CNTN5: variants seen among roughly 807,000 people sequenced by gnomAD.
CNTN5 encodes contactin-5.
In CNTN5, 77 loss-of-function variants were observed where a neutral mutation model predicts 129.1. The observed-to-expected ratio is 0.60, with a 90% CI of 0.50 to 0.72. CNTN5 has a LOEUF of 0.72. Among genes scored for constraint, CNTN5 ranks in the 30% least tolerant of loss-of-function variants. The pLI, the probability that CNTN5 is intolerant of heterozygous loss-of-function variation, is 0.00. For missense variants in CNTN5, 1,478 were observed against 1,328.8 expected (o/e 1.11, Z -1.75); for synonymous variants, 509 against 465.6 (o/e 1.09, Z -1.20).
intron 3 of CNTN5, among the ~76,000 whole-genome samples, chr11:99,713,295 T>C (rs953928681): frequency 3.7e-4 from 56 of 151,952 alleles, no homozygotes; most frequent in Admixed American, 8.5e-4. Flanking sequence ...TTTTTGTTGT[T>C]GTTGTTGTTA....
chr11:100,196,944 A>C (rs991518523), intron 15 of CNTN5, among the ~76,000 whole-genome samples: 1 of 152,012 alleles, frequency 6.6e-6, no homozygotes, highest in African/African-American at 2.4e-5. Context: ...ATAGCCCTTC[A>C]CACCTAAGAG....
At chr11:99,201,117 C>T (rs370015994) in intron 1 of CNTN5, among the ~76,000 whole-genome samples, 65 of 149,160 alleles carry the variant, frequency 4.4e-4, no homozygotes, top group African/African-American at 1.5e-3. Flanking sequence ...CTCTGCCTCC[C>T]GGGTTCCAGC....
At chr11:99,412,869 T>A (rs1401720380) in intron 2 of CNTN5, among the ~76,000 whole-genome samples, 1 of 152,186 alleles carries the variant, frequency 6.6e-6, no homozygotes, top group Non-Finnish European at 1.5e-5. Context: ...TAAATTTGAA[T>A]TAGAAGATCA....
intron 1 of CNTN5, among the ~76,000 whole-genome samples, chr11:99,227,095 T>A (rs1162903856): frequency 6.6e-6 from 1 of 152,126 alleles, no homozygotes; most frequent in African/African-American, 2.4e-5. Context: ...ACGCAGTGGC[T>A]CCTGCCTATA....
chr11:100,077,627 C>G (rs1442719914), intron 13 of CNTN5, among the ~76,000 whole-genome samples: 1 of 151,874 alleles, frequency 6.6e-6, no homozygotes, highest in Non-Finnish European at 1.5e-5. Flanking sequence ...TTGAGACCAG[C>G]CTGTGCAACA....
At chr11:99,859,286 G>C (rs112760499) in intron 6 of CNTN5, among the ~76,000 whole-genome samples, 2 of 152,058 alleles carry the variant, frequency 1.3e-5, no homozygotes, top group South Asian at 4.1e-4. Context: ...TGAACTTAAC[G>C]TATGTAATAT....
At chr11:100,332,104 A>G (rs917716231) in intron 21 of CNTN5, among the ~76,000 whole-genome samples, 1 of 152,128 alleles carries the variant, frequency 6.6e-6, no homozygotes, top group African/African-American at 2.4e-5. Flanking sequence ...TAAACAAGAA[A>G]AGAAGAGAGA....
intron 13 of CNTN5, among the ~76,000 whole-genome samples, chr11:100,121,989 AAGAG>A (rs1309969234): frequency 5.3e-5 from 8 of 151,934 alleles, no homozygotes; most frequent in East Asian, 1.9e-4. Context: ...GGTAGAGAGA[AAGAG>A]AGAGAGGATT....
At chr11:99,996,819 A>G (rs1264549817) in intron 8 of CNTN5, among the ~76,000 whole-genome samples, 5 of 152,042 alleles carry the variant, frequency 3.3e-5, no homozygotes, top group African/African-American at 1.2e-4. Flanking sequence ...AGCATGGAAA[A>G]CTGCCACTTT....
At chr11:99,849,870 G>A (rs1947817567) in intron 6 of CNTN5, among the ~76,000 whole-genome samples, 1 of 152,010 alleles carries the variant, frequency 6.6e-6, no homozygotes, top group African/African-American at 2.4e-5. Flanking sequence ...CAGTATAAAT[G>A]TGTATTGGAT....
intron 2 of CNTN5, among the ~76,000 whole-genome samples, chr11:99,541,956 CAAAAAAAAA>C (rs56363127): frequency 2.0e-4 from 14 of 68,874 alleles, no homozygotes; most frequent in Non-Finnish European, 3.3e-4. Context: ...GATCTTGTCT[CAAAAAAAAA>C]AAAAAAAAAA....
chr11:99,075,437 G>A (rs1865520736), intron 1 of CNTN5, among the ~76,000 whole-genome samples: 1 of 152,084 alleles, frequency 6.6e-6, no homozygotes, highest in African/African-American at 2.4e-5. Context: ...TTAAGTAAAA[G>A]TAGATTTACA....
chr11:100,005,871 T>C (rs1407830666), intron 9 of CNTN5, among the ~76,000 whole-genome samples: 1 of 152,186 alleles, frequency 6.6e-6, no homozygotes, highest in Non-Finnish European at 1.5e-5. Context: ...CAACTTTACC[T>C]GTTCCCAGCC....
At chr11:99,912,420 G>T (rs1447780283) in intron 6 of CNTN5, among the ~76,000 whole-genome samples, 1 of 151,706 alleles carries the variant, frequency 6.6e-6, no homozygotes, top group Non-Finnish European at 1.5e-5. Context: ...GGCCCAAGTA[G>T]GTATGATTAA....
intron 1 of CNTN5, among the ~76,000 whole-genome samples, chr11:99,158,326 A>C (rs10750205): frequency 0.91 from 138,310 of 152,184 alleles, 63,106 homozygotes; most frequent in East Asian, 0.99. Context: ...CTTCATGTGC[A>C]TGAAATGTTC....
intron 6 of CNTN5, among the ~76,000 whole-genome samples, chr11:99,871,866 G>T (rs1948511384): frequency 6.6e-6 from 1 of 151,702 alleles, no homozygotes; most frequent in Admixed American, 6.6e-5. Context: ...TAACATAATA[G>T]ATATAGTTCT....
intron 1 of CNTN5, among the ~76,000 whole-genome samples, chr11:99,142,896 T>A (rs1859591375): frequency 6.6e-6 from 1 of 152,140 alleles, no homozygotes; most frequent in African/African-American, 2.4e-5. Flanking sequence ...TCTATTTAAC[T>A]CACCTCTTAC....
intron 1 of CNTN5, among the ~76,000 whole-genome samples, chr11:99,260,706 G>T (rs1270132670): frequency 5.9e-5 from 9 of 151,814 alleles, no homozygotes; most frequent in Admixed American, 5.9e-4. Context: ...GGTATTATTG[G>T]ATGGTTATCA....
intron 2 of CNTN5, among the ~76,000 whole-genome samples, chr11:99,382,915 A>AT (rs1940684998): frequency 8.2e-6 from 1 of 121,404 alleles, no homozygotes. Flanking sequence ...GGAGTGCAGT[A>AT]GCCTGATCTC....
Sources: gnomAD v4.1 joint callset for allele counts (sites outside exome capture counted in the v4.1 genomes callset) on GRCh38, gnomAD v4.1.1 for gene constraint, MANE v1.5 for transcripts, NCBI Gene and HGNC (gene_info 2026-07-23, HGNC 2026-07-21) for gene names.